The following SNTG1 variants were observed in gnomAD, a reference collection of about 807,000 sequenced individuals.
The protein encoded by SNTG1 is syntrophin gamma 1.
Under a neutral mutation model 74.7 loss-of-function variants are expected in SNTG1, and 39 were observed. That is an observed-to-expected ratio of 0.52 (90% confidence interval 0.40 to 0.68). The LOEUF is 0.68. Ranked by LOEUF, SNTG1 falls within the 30% of genes least tolerant of loss-of-function variation. The pLI is 0.00. For missense variants in SNTG1, 685 were observed against 609.5 expected (o/e 1.12, Z -1.30); for synonymous variants, 254 against 217.1 (o/e 1.17, Z -1.49).
At chr8:50,657,126 A>C (rs2095187452) in intron 14 of SNTG1, 101 bp downstream of exon 14, 1 of 539,926 alleles carries the variant, frequency 1.9e-6, no homozygotes, top group African/African-American at 2.0e-5. Flanking sequence ...ATTTTTAAAA[A>C]ATAATATAGA....
chr8:50,191,815 T>C (rs1049971155), intron 2 of SNTG1, among the ~76,000 whole-genome samples: 10 of 152,104 alleles, frequency 6.6e-5, no homozygotes, highest in African/African-American at 2.4e-4. Flanking sequence ...AGACTGGTGA[T>C]ACCAATCACC....
At chr8:50,016,721 CATAAA>C (rs1816352297) in intron 1 of SNTG1, among the ~76,000 whole-genome samples, 1 of 152,038 alleles carries the variant, frequency 6.6e-6, no homozygotes, top group African/African-American at 2.4e-5. Context: ...CTAAAATAAA[CATAAA>C]ATAAACAGAA....
intron 13 of SNTG1, among the ~76,000 whole-genome samples, chr8:50,655,493 G>A (rs2095174596): frequency 1.3e-5 from 2 of 152,138 alleles, no homozygotes; most frequent in African/African-American, 2.4e-5. Context: ...ATAATTAAAA[G>A]AGCAAGGCAT....
chr8:50,295,647 T>G (rs767712903), intron 2 of SNTG1, among the ~76,000 whole-genome samples: 15 of 152,178 alleles, frequency 9.9e-5, no homozygotes, highest in Non-Finnish European at 1.9e-4. Context: ...TGTTTGCATG[T>G]AAACAAACAA....
chr8:50,466,033 AC>A (rs2093606150), intron 8 of SNTG1, among the ~76,000 whole-genome samples: 1 of 152,114 alleles, frequency 6.6e-6, no homozygotes, highest in Non-Finnish European at 1.5e-5. Context: ...AAGTGGCTAT[AC>A]CATTTTGTGT....
intron 4 of SNTG1, among the ~76,000 whole-genome samples, chr8:50,411,037 C>T (rs866985047): frequency 2.0e-5 from 3 of 152,050 alleles, no homozygotes; most frequent in Admixed American, 1.3e-4. Context: ...AGTTTAATCC[C>T]GTTTTTACAT....
intron 1 of SNTG1, among the ~76,000 whole-genome samples, chr8:50,090,682 C>T (rs144824879): frequency 3.9e-4 from 60 of 152,124 alleles, no homozygotes; most frequent in Middle Eastern, 3.4e-3. Flanking sequence ...GAATCAAAAA[C>T]GAGTGTGTGA....
intron 1 of SNTG1, among the ~76,000 whole-genome samples, chr8:49,994,988 C>T (rs1814070352): frequency 7.9e-6 from 1 of 126,034 alleles, no homozygotes; most frequent in Non-Finnish European, 1.7e-5. Flanking sequence ...AGCCAAATCA[C>T]CTCATAATTT....
chr8:50,062,601 A>AT (rs1356731453), intron 1 of SNTG1, among the ~76,000 whole-genome samples: 8 of 152,088 alleles, frequency 5.3e-5, no homozygotes, highest in African/African-American at 1.4e-4. Context: ...CAAGCTAAAT[A>AT]TTTTTTATTT....
At chr8:50,709,055 C>T (rs1180606884) in intron 17 of SNTG1, 77 bp downstream of exon 17, 3 of 999,958 alleles carry the variant, frequency 3.0e-6, no homozygotes, top group Non-Finnish European at 4.6e-6. Flanking sequence ...CCTCATAACT[C>T]CTTTCAGCAT....
At chr8:50,579,338 A>G (rs1053388120) in intron 12 of SNTG1, among the ~76,000 whole-genome samples, 1 of 152,184 alleles carries the variant, frequency 6.6e-6, no homozygotes, top group African/African-American at 2.4e-5. Flanking sequence ...CAGAGCATAA[A>G]TGTTTGGAAA....
chr8:50,090,280 C>A (rs150328145), intron 1 of SNTG1, among the ~76,000 whole-genome samples: 1 of 152,128 alleles, frequency 6.6e-6, no homozygotes, highest in Non-Finnish European at 1.5e-5. Flanking sequence ...GGTTGGCTCA[C>A]GACTTGTAAC....
chr8:49,930,463 AAG>A (rs1807466951), intron 1 of SNTG1, among the ~76,000 whole-genome samples: 2 of 143,630 alleles, frequency 1.4e-5, no homozygotes, highest in African/African-American at 5.0e-5. Context: ...CTAGAAATAA[AAG>A]AGGACTTTCT....
chr8:50,056,167 G>T (rs950178968), intron 1 of SNTG1, among the ~76,000 whole-genome samples: 1 of 152,084 alleles, frequency 6.6e-6, no homozygotes, highest in African/African-American at 2.4e-5. Context: ...CGGTACTCCT[G>T]CTTTAATCTA....
At chr8:50,141,976 C>A (rs10091003) in intron 1 of SNTG1, among the ~76,000 whole-genome samples, 16,494 of 152,018 alleles carry the variant, frequency 0.11, 2,953 homozygotes, top group African/African-American at 0.37. Flanking sequence ...CACATAGATA[C>A]AAATTATTTA....
chr8:50,454,429 G>A (rs1003752329), intron 8 of SNTG1, among the ~76,000 whole-genome samples: 11 of 152,024 alleles, frequency 7.2e-5, no homozygotes, highest in African/African-American at 1.2e-4. Flanking sequence ...CCCGGGAGGC[G>A]GAGATTGCAG....
At chr8:50,071,132 T>A (rs925404967) in intron 1 of SNTG1, among the ~76,000 whole-genome samples, 9 of 152,124 alleles carry the variant, frequency 5.9e-5, no homozygotes, top group Non-Finnish European at 5.9e-5. Flanking sequence ...CAAGTGGAGA[T>A]CCCAACTCCT....
chr8:50,585,566 G>T (rs1036231622), intron 12 of SNTG1, among the ~76,000 whole-genome samples: 1 of 152,086 alleles, frequency 6.6e-6, no homozygotes, highest in Non-Finnish European at 1.5e-5. Flanking sequence ...CTTATTTGAA[G>T]ATCAGTCTTA....
At chr8:50,613,575 A>G (rs183732341) in intron 13 of SNTG1, among the ~76,000 whole-genome samples, 1 of 152,320 alleles carries the variant, frequency 6.6e-6, no homozygotes, top group Admixed American at 6.5e-5. Context: ...GGAAGCACAG[A>G]TATCATCATT....
Sources: gnomAD v4.1 joint callset for allele counts (sites outside exome capture counted in the v4.1 genomes callset) on GRCh38, gnomAD v4.1.1 for gene constraint, MANE v1.5 for transcripts, NCBI Gene and HGNC (gene_info 2026-07-23, HGNC 2026-07-21) for gene names.